CDH7: variants seen among roughly 807,000 people sequenced by gnomAD.
CDH7 encodes the protein cadherin 7.
In CDH7, 25 loss-of-function variants were observed where a neutral mutation model predicts 71.8. The ratio of observed to expected loss-of-function variants is 0.35; its 90% CI spans 0.25 to 0.49. CDH7 has a LOEUF of 0.49. Ranked by LOEUF, CDH7 falls within the 20% of genes least tolerant of loss-of-function variation. The pLI is 0.99. For missense variants in CDH7, 862 were observed against 974.6 expected (o/e 0.88, Z 1.54); for synonymous variants, 381 against 363.8 (o/e 1.05, Z -0.54).
intron 11 of CDH7, among the ~76,000 whole-genome samples, chr18:65,867,641 A>C (rs903183670): frequency 3.3e-5 from 5 of 152,168 alleles, no homozygotes; most frequent in African/African-American, 1.2e-4. Flanking sequence ...CTCGGCATAC[A>C]CAAAAATAAA....
chr18:65,879,824 T>C (rs1392763194), intron 11 of CDH7, among the ~76,000 whole-genome samples: 1 of 152,188 alleles, frequency 6.6e-6, no homozygotes, highest in Non-Finnish European at 1.5e-5. Flanking sequence ...AAGTTCAGTA[T>C]TTTATACATG....
chr18:65,782,023 T>TCCC (rs1910282050), intron 2 of CDH7, among the ~76,000 whole-genome samples: 2 of 92,670 alleles, frequency 2.2e-5, no homozygotes, highest in African/African-American at 1.3e-4. Context: ...TCTCTCTCTC[T>TCCC]TTCTCCCTTC....
chr18:65,782,103 C>CT (rs1568182482), intron 2 of CDH7, among the ~76,000 whole-genome samples: 7 of 31,000 alleles, frequency 2.3e-4, no homozygotes, highest in East Asian at 6.2e-4. Flanking sequence ...TCCTTCCTTC[C>CT]TTCCTTCTTT....
chr18:65,846,916 T>A (rs1432269897), intron 7 of CDH7, among the ~76,000 whole-genome samples: 1 of 152,198 alleles, frequency 6.6e-6, no homozygotes, highest in African/African-American at 2.4e-5. Context: ...GCTATTATTA[T>A]AGGTTATTGT....
At chr18:65,778,017 A>G (rs541704815) in intron 2 of CDH7, among the ~76,000 whole-genome samples, 1 of 152,264 alleles carries the variant, frequency 6.6e-6, no homozygotes, top group Admixed American at 6.5e-5. Context: ...TCACGCCTAT[A>G]ATCCCAGCAC....
At chr18:65,839,854 A>G (rs1054750219) in intron 6 of CDH7, among the ~76,000 whole-genome samples, 1 of 152,184 alleles carries the variant, frequency 6.6e-6, no homozygotes, top group Non-Finnish European at 1.5e-5. Context: ...TGTTAGCCTT[A>G]CCATATTGGG....
chr18:65,825,736 A>G (rs1912106448), intron 6 of CDH7, among the ~76,000 whole-genome samples: 2 of 151,898 alleles, frequency 1.3e-5, no homozygotes, highest in Non-Finnish European at 3.0e-5. Flanking sequence ...AGGAAAACAT[A>G]TGTTTGATTT....
intron 2 of CDH7, among the ~76,000 whole-genome samples, chr18:65,798,743 C>T (rs1911006413): frequency 6.6e-6 from 1 of 152,166 alleles, no homozygotes; most frequent in Non-Finnish European, 1.5e-5. Context: ...CAGCCAATCA[C>T]TGGATGTGGC....
At chr18:65,812,718 A>G (rs1405325511) in intron 3 of CDH7, among the ~76,000 whole-genome samples, 1 of 152,180 alleles carries the variant, frequency 6.6e-6, no homozygotes, top group Admixed American at 6.5e-5. Flanking sequence ...GTGTGTCTAT[A>G]TGTGTTAAAT....
chr18:65,786,997 A>C, intron 2 of CDH7, among the ~76,000 whole-genome samples: 1 of 152,074 alleles, frequency 6.6e-6, no homozygotes, highest in East Asian at 1.9e-4. Flanking sequence ...CTATTTCCTA[A>C]GTTTCATGCC....
intron 9 of CDH7, among the ~76,000 whole-genome samples, 161 bp from the exon 10 acceptor site, chr18:65,859,547 C>T (rs1006345559): frequency 1.3e-4 from 20 of 152,270 alleles, no homozygotes; most frequent in Non-Finnish European, 2.6e-4. Context: ...TTTTCAGAGC[C>T]CTTTTTTAGA....
chr18:65,814,462 G>A (rs550874474), intron 3 of CDH7, 23 bp from the exon 4 acceptor site: 1 of 1,613,678 alleles, frequency 6.2e-7, no homozygotes, highest in South Asian at 1.1e-5. Flanking sequence ...TTTTAATTCA[G>A]TGGTTTTGGG....
At chr18:65,804,370 G>T (rs1911236220) in intron 2 of CDH7, among the ~76,000 whole-genome samples, 1 of 152,032 alleles carries the variant, frequency 6.6e-6, no homozygotes, top group South Asian at 2.1e-4. Context: ...CAAATAACAA[G>T]CAGAGTTTAA....
At chr18:65,874,267 A>C (rs533223359) in intron 11 of CDH7, among the ~76,000 whole-genome samples, 1 of 152,318 alleles carries the variant, frequency 6.6e-6, no homozygotes, top group Admixed American at 6.5e-5. Flanking sequence ...TTTGGTTTTA[A>C]AAAACTTTCT....
At chr18:65,848,113 G>A (rs1436599481) in intron 7 of CDH7, among the ~76,000 whole-genome samples, 2 of 152,008 alleles carry the variant, frequency 1.3e-5, no homozygotes, top group East Asian at 3.9e-4. Context: ...AACTTGGAAG[G>A]ACAGATTGTG....
At chr18:65,758,702 A>C (rs1916103885) in intron 1 of CDH7, among the ~76,000 whole-genome samples, 1 of 152,238 alleles carries the variant, frequency 6.6e-6, no homozygotes, top group African/African-American at 2.4e-5. Context: ...ACTGCAGAGA[A>C]ATATAATGGA....
intron 4 of CDH7, among the ~76,000 whole-genome samples, chr18:65,821,043 G>A (rs1327967862): frequency 3.3e-5 from 5 of 151,756 alleles, no homozygotes; most frequent in Non-Finnish European, 7.4e-5. Context: ...ATATGTGTTG[G>A]TCATGTTCAA....
chr18:65,884,871 A>G lies in CDH7; in HGVS notation c.*3977A>G, dbSNP rs556839940. On this transcript the variant is annotated 3_prime_UTR_variant, in exon 12 of 12. Transcript: ENST00000397968. The stretch of plus-strand genomic sequence containing the variant: ...AATTATTTTCCAAGTCACCATTTAA[A>G]GTTTTATTTACAGTTGACCTAATCC... 6.6e-6 allele frequency: 1 copy of G among 152,328 alleles called. No individual in the cohort carries two copies. The highest frequency in any genetic ancestry group is 1.9e-4 in the East Asian group (1 of 5,186). The allele number at this position is 152,328 out of a possible 1,614,324, so 9.4% of individuals were successfully genotyped here. A position where few individuals can be genotyped will look rare whatever the true frequency, so the allele number is the denominator to read the frequency against.
intron 2 of CDH7, among the ~76,000 whole-genome samples, chr18:65,799,601 A>G (rs749523412): frequency 7.2e-5 from 11 of 152,058 alleles, no homozygotes; most frequent in South Asian, 2.1e-4. Context: ...ACGTGAACCC[A>G]GGAGGCGGAG....
Sources: allele counts gnomAD v4.1 joint callset (sites outside exome capture counted in the v4.1 genomes callset), GRCh38; gene constraint gnomAD v4.1.1; transcripts MANE v1.5; gene names NCBI Gene and HGNC (gene_info 2026-07-23, HGNC 2026-07-21).